MYO3A: variants seen among roughly 807,000 people sequenced by gnomAD.
MYO3A encodes myosin-IIIa.
In MYO3A, 180 loss-of-function variants were observed where a neutral mutation model predicts 192.7. That is an observed-to-expected ratio of 0.93 (90% CI 0.83 to 1.06). The LOEUF is 1.06. Ranked by LOEUF, MYO3A falls within the 50% of genes least tolerant of loss-of-function variation. The pLI, the probability that MYO3A is intolerant of heterozygous loss-of-function variation, is 0.00. For missense variants in MYO3A, 1,896 were observed against 1,905.0 expected (o/e 1.00, Z 0.09); for synonymous variants, 628 against 645.3 (o/e 0.97, Z 0.41).
intron 7 of MYO3A, among the ~76,000 whole-genome samples, chr10:26,020,177 T>C (rs1842229174): frequency 6.6e-6 from 1 of 152,218 alleles, no homozygotes; most frequent in South Asian, 2.1e-4. Flanking sequence ...AGAGCCAGAA[T>C]ATTACCAATA....
chr10:26,022,977 A>G (rs993877660), intron 8 of MYO3A: 8 of 152,244 alleles, frequency 5.3e-5, no homozygotes, highest in African/African-American at 1.9e-4. Context: ...AAAGCTACCC[A>G]GTTCTGAGTG....
rs1342582614 is a variant in MYO3A at position 26,212,141 on chromosome 10, CAA to C, written c.*179_*180del. On this transcript the variant is annotated 3_prime_UTR_variant, in exon 35 of 35. Coordinates refer to ENST00000642920, the MANE Select transcript of MYO3A (RefSeq NM_017433.5). The stretch of plus-strand genomic sequence containing the variant: ...CCGGGCCGGCCTTCGTGCTCCGAAA[CAA>C]GAGACCTGGGAGCCCTCGGGAAACC... 2 of 957,588 alleles carry C rather than the reference CAA, an allele frequency of 2.1e-6. No individual in the cohort carries two copies. Among genetic ancestry groups the C allele is most frequent in the East Asian group, 2.7e-5 (1 of 36,920 alleles). The allele number at this position is 957,588 out of a possible 1,614,324, so 59.3% of individuals were successfully genotyped here.
chr10:26,187,168 T>A (rs1378498866), intron 31 of MYO3A, among the ~76,000 whole-genome samples: 1 of 151,952 alleles, frequency 6.6e-6, no homozygotes, highest in African/African-American at 2.4e-5. Flanking sequence ...AGATCACCAA[T>A]GAAATGACAC....
In MYO3A at chr10:26,156,078, G is replaced by A. The variant is rs544494031; in HGVS notation, c.2794-1232G>A. On this transcript the variant is annotated intron_variant, in intron 25 of 34. Transcript: ENST00000642920. The stretch of plus-strand genomic sequence containing the variant: ...AGCGCCTAAATTGCAGGAAGGTCCT[G>A]CTTAGAGTATCACCCCTGTACCACC... 3.3e-5 allele frequency among the ~76,000 whole-genome samples: 5 copies of A among 152,310 alleles called. No individual in the cohort carries two copies. In the South Asian group the frequency reaches 1.0e-3, roughly 32 times the overall value.
chr10:25,992,959 C>G (rs144738042), intron 4 of MYO3A, among the ~76,000 whole-genome samples: 7,919 of 152,054 alleles, frequency 0.052, 731 homozygotes, highest in African/African-American at 0.18. Flanking sequence ...GGATATTGGT[C>G]TAAAATTCTC....
At chr10:26,007,086 T>G (rs1286353208) in intron 6 of MYO3A, among the ~76,000 whole-genome samples, 1 of 147,818 alleles carries the variant, frequency 6.8e-6, no homozygotes, top group African/African-American at 2.6e-5. Context: ...TATACGCAAA[T>G]CAATAAACGT....
intron 6 of MYO3A, among the ~76,000 whole-genome samples, chr10:26,009,175 A>T (rs917390979): frequency 6.6e-6 from 1 of 151,080 alleles, no homozygotes. Flanking sequence ...GGAATTGAAC[A>T]GTGAGAACAC....
intron 6 of MYO3A, 53 bp from the exon 7 acceptor site, chr10:26,016,767 G>A: frequency 1.3e-6 from 2 of 1,520,380 alleles, no homozygotes; most frequent in South Asian, 1.1e-5. Context: ...GCAATTGAAA[G>A]CTCTTTATAT....
At position 26,157,739 on chromosome 10, in the gene MYO3A, C is replaced by A. The variant is rs116319748; in HGVS notation, c.2999+224C>A. Among the ~76,000 whole-genome samples, 447 of 152,276 alleles carry A rather than the reference C, an allele frequency of 2.9e-3. 3 individuals are homozygous for A. Among genetic ancestry groups the A allele is most frequent in the African/African-American group, 9.2e-3 (382 of 41,556 alleles). On this transcript the variant is annotated intron_variant, in intron 26 of 34. Coordinates refer to ENST00000642920, the MANE Select transcript of MYO3A (RefSeq NM_017433.5). Reference sequence around the variant, plus strand: ...TGGTATAGGCAGCATGATCCAGAGGCGTGAGCTTCTGTACTGAGGAGTTGG... The same window carrying A: ...TGGTATAGGCAGCATGATCCAGAGGAGTGAGCTTCTGTACTGAGGAGTTGG...
rs559406534 is a variant in MYO3A at position 26,095,777 on chromosome 10, G to A, written c.1563-604G>A. 1.3e-3 allele frequency among the ~76,000 whole-genome samples: 204 copies of A among 152,304 alleles called. 1 individual carries two copies. Among genetic ancestry groups the A allele is most frequent in the Non-Finnish European group, 2.6e-3 (178 of 68,028 alleles). ...GAGTCATGGGATTTGAGACTTATAA[G>A]AAAGAGATTCCTCATACAAGTGAGA... On this transcript the variant is annotated intron_variant, in intron 15 of 34. Transcript: ENST00000642920.
intron 31 of MYO3A, among the ~76,000 whole-genome samples, chr10:26,182,301 C>G (rs1418766883): frequency 6.6e-6 from 1 of 152,214 alleles, no homozygotes; most frequent in African/African-American, 2.4e-5. Context: ...ATCTCCAGAT[C>G]TGTCACCTTT....
At chr10:25,989,337 G>A (rs534364473) in intron 4 of MYO3A, among the ~76,000 whole-genome samples, 7 of 151,524 alleles carry the variant, frequency 4.6e-5, no homozygotes, top group African/African-American at 7.3e-5. Flanking sequence ...ACTTTTGTGA[G>A]CCAGCAGCAC....
intron 10 of MYO3A, among the ~76,000 whole-genome samples, chr10:26,063,335 G>T (rs1337115886): frequency 6.6e-6 from 1 of 152,090 alleles, no homozygotes; most frequent in Non-Finnish European, 1.5e-5. Context: ...TTTATTTCAT[G>T]GATGATATTG....
intron 4 of MYO3A, among the ~76,000 whole-genome samples, chr10:25,995,624 C>A (rs1208954538): frequency 6.6e-6 from 1 of 152,194 alleles, no homozygotes; most frequent in African/African-American, 2.4e-5. Flanking sequence ...TTTTCCCCAT[C>A]TTTGTGGTTT....
intron 32 of MYO3A, among the ~76,000 whole-genome samples, chr10:26,196,151 A>G (rs934131258): frequency 1.3e-5 from 2 of 152,270 alleles, no homozygotes; most frequent in African/African-American, 4.8e-5. Flanking sequence ...ATGCAATTAA[A>G]TAGAACAGCA....
At chr10:26,189,666 T>C (rs1229663807) in intron 31 of MYO3A, among the ~76,000 whole-genome samples, 7 of 152,160 alleles carry the variant, frequency 4.6e-5, no homozygotes, top group Non-Finnish European at 8.8e-5. Context: ...TTGCTAAGAT[T>C]GTAAATAACC....
At chr10:25,949,447 T>A (rs1383457856) in intron 2 of MYO3A, among the ~76,000 whole-genome samples, 1 of 152,122 alleles carries the variant, frequency 6.6e-6, no homozygotes, top group Admixed American at 6.5e-5. Flanking sequence ...CTAACGTTTA[T>A]GTTATAGAGA....
intron 14 of MYO3A, among the ~76,000 whole-genome samples, chr10:26,071,161 C>CT (rs1835182952): frequency 6.6e-6 from 1 of 151,992 alleles, no homozygotes; most frequent in Non-Finnish European, 1.5e-5. Context: ...TGCTGTAAAG[C>CT]TGCAATAGTC....
intron 20 of MYO3A, among the ~76,000 whole-genome samples, chr10:26,137,501 AATTG>A (rs1255271837): frequency 6.6e-6 from 1 of 152,230 alleles, no homozygotes; most frequent in Non-Finnish European, 1.5e-5. Context: ...TGACTGTACA[AATTG>A]ATTGTAAAAC....
Sources: gnomAD v4.1 joint callset for allele counts (sites outside exome capture counted in the v4.1 genomes callset) on GRCh38, gnomAD v4.1.1 for gene constraint, MANE v1.5 for transcripts, NCBI Gene and HGNC (gene_info 2026-07-23, HGNC 2026-07-21) for gene names.